The following TP53I3 variants were observed in gnomAD, a reference collection of about 807,000 sequenced individuals.
TP53I3 encodes quinone oxidoreductase PIG3.
Under a neutral mutation model 27.7 loss-of-function variants are expected in TP53I3, and 32 were observed. The ratio of observed to expected loss-of-function variants is 1.16; its 90% CI spans 0.87 to 1.55. The LOEUF (loss-of-function observed/expected upper bound fraction) is 1.55, where lower values mean the gene tolerates loss of function less well. Among genes scored for constraint, TP53I3 ranks in the 40% most tolerant of loss-of-function variants. The probability of loss-of-function intolerance (pLI) is 0.00; values close to 1 mark genes in which losing one functional copy is unlikely to be tolerated. For missense variants in TP53I3, 372 were observed against 412.3 expected (o/e 0.90, Z 0.85); for synonymous variants, 138 against 167.8 (o/e 0.82, Z 1.37).
chr2:24,078,513 T>C (rs1009725678), intron 4 of TP53I3, among the ~76,000 whole-genome samples: 1 of 151,690 alleles, frequency 6.6e-6, no homozygotes, highest in Non-Finnish European at 1.5e-5. Context: ...AGTACATGCT[T>C]TTCTCCTGTC....
In TP53I3 at chr2:24,077,476, C is replaced by G; in HGVS notation, c.*103G>C. ...TTCCTCATATCAGCTTTAAACGGCT[C>G]TGGAGGAAGCACCGGGTTTCTTGGC... On this transcript the variant is annotated 3_prime_UTR_variant, in exon 5 of 5. Transcript: ENST00000238721. The surrounding 1 kb of genome is among the most constrained non-coding windows in gnomAD (Gnocchi z 5.5). The G allele has an allele frequency of 7.4e-7, 1 of 1,360,166 alleles. No individual in the cohort carries two copies. The highest frequency in any genetic ancestry group is 9.8e-7 in the Non-Finnish European group (1 of 1,016,906). The allele number at this position is 1,360,166 out of a possible 1,614,324, so 84.3% of individuals were successfully genotyped here. A position where few individuals can be genotyped will look rare whatever the true frequency, so the allele number is the denominator to read the frequency against.
rs1665171245 is a variant in TP53I3 at position 24,084,437 on chromosome 2, G to A, written c.-111C>T. On this transcript the variant is annotated 5_prime_UTR_variant, in exon 1 of 5. Coordinates refer to ENST00000238721, the MANE Select transcript of TP53I3 (RefSeq NM_004881.5). The surrounding 1 kb of genome is among the most constrained non-coding windows in gnomAD (Gnocchi z 8.4). ...AGGGCAGGGGCCGCTGTATCCTCGC[G>A]GAGCAGCCCAGCCTCAGGCTGGCAC... 1.1e-5 allele frequency: 15 copies of A among 1,342,396 alleles called. No individual in the cohort carries two copies. Among genetic ancestry groups the A allele is most frequent in the Admixed American group, 2.8e-5 (1 of 35,306 alleles). The allele number at this position is 1,342,396 out of a possible 1,614,324, so 83.2% of individuals were successfully genotyped here.
At position 24,084,370 on chromosome 2, in the gene TP53I3, G is replaced by GCAGGGCAGGGCAGGACAGGA. The variant is rs768849734; in HGVS notation, c.-64_-45dup. 73 of 1,530,134 alleles carry GCAGGGCAGGGCAGGACAGGA rather than the reference G, an allele frequency of 4.8e-5. No individual in the cohort carries two copies. Among genetic ancestry groups the GCAGGGCAGGGCAGGACAGGA allele is most frequent in the South Asian group, 1.2e-4 (10 of 84,132 alleles). 94.8% of individuals were successfully genotyped at this position (1,530,134 alleles called of 1,614,324 possible). A position where few individuals can be genotyped will look rare whatever the true frequency, so the allele number is the denominator to read the frequency against. On this transcript the variant is annotated 5_prime_UTR_variant, in exon 1 of 5. Coordinates refer to ENST00000238721, the MANE Select transcript of TP53I3 (RefSeq NM_004881.5). This position sits in a 1 kb window ranked among gnomAD's most constrained non-coding sequence, Gnocchi z 8.4. Reference sequence around the variant, plus strand: ...GCAGGGCAGGGCAGGACAGGACAGGGCAGGGCAGGGCAGGACAGGACAGGG... The same window carrying GCAGGGCAGGGCAGGACAGGA: ...GCAGGGCAGGGCAGGACAGGACAGGGCAGGGCAGGGCAGGACAGGACAGGGCAGGGCAGGACAGGACAGGG...
Position 24,082,986 on chromosome 2 carries a change from G to A in TP53I3, c.305C>T (p.Pro102Leu). The A allele has an allele frequency of 6.2e-7, 1 of 1,614,186 alleles. No homozygotes were observed. The highest frequency in any genetic ancestry group is 8.5e-7 in the Non-Finnish European group (1 of 1,180,016). The change falls in exon 2 of 5, where the codon CCC becomes CTC. Residue 102 changes from proline to leucine, a missense_variant. By Grantham distance (98) the Pro-to-Leu change is moderately conservative. Coordinates refer to ENST00000238721, the MANE Select transcript of TP53I3 (RefSeq NM_004881.5). The stretch of plus-strand genomic sequence containing the variant: ...TGGGATAGGCATGAGGAGCCCTTCG[G>A]GGACAGTGACGTACTGAGCCTGGCC... Reference protein sequence around the residue: ...GGGQAQYVTVPEGLLMPIPEG... With the variant: ...GGGQAQYVTVLEGLLMPIPEG...
Position 24,083,109 on chromosome 2 carries a change from A to C in TP53I3, c.182T>G (p.Leu61Trp). 6.2e-7 allele frequency: 1 copy of C among 1,613,882 alleles called. No homozygotes were observed. Among genetic ancestry groups the C allele is most frequent in the Non-Finnish European group, 8.5e-7 (1 of 1,179,826 alleles). ...YDPPPGASNI[L>W]GLEASGHVAE... Reference sequence around the variant, plus strand: ...CACATGTCCAGATGCCTCAAGTCCCAAAATGTTGCTGGCTCCTGGAGGTGG... The same window carrying C: ...CACATGTCCAGATGCCTCAAGTCCCCAAATGTTGCTGGCTCCTGGAGGTGG... The change falls in exon 2 of 5, where the codon TTG (leucine) becomes TGG (tryptophan). Residue 61 changes from leucine to tryptophan, a missense_variant. By Grantham distance (61) the Leu-to-Trp change is moderately conservative (BLOSUM62 -2). Coordinates refer to ENST00000238721, the MANE Select transcript of TP53I3 (RefSeq NM_004881.5).
Position 24,084,351 on chromosome 2 carries a change from C to G in TP53I3, c.-25G>C, listed in dbSNP as rs35924313. ...TATTGTCTGAGGACACAGGGCAGGG[C>G]AGGGCAGGACAGGACAGGGCAGGGC... On this transcript the variant is annotated 5_prime_UTR_variant, in exon 1 of 5. Transcript: ENST00000238721. This position sits in a 1 kb window ranked among gnomAD's most constrained non-coding sequence, Gnocchi z 8.4. 2.2e-3 allele frequency: 3,075 copies of G among 1,395,960 alleles called. 52 individuals carry two copies. The African/African-American group carries it at 0.039, about 18-fold the overall frequency. The allele number at this position is 1,395,960 out of a possible 1,614,324, so 86.5% of individuals were successfully genotyped here.
chr2:24,080,679 G>A lies in TP53I3; in HGVS notation c.619+140C>T, dbSNP rs1664956932. The A allele has an allele frequency of 3.4e-6, 3 of 879,398 alleles. No homozygotes were observed. The highest frequency in any genetic ancestry group is 5.5e-6 in the Non-Finnish European group (3 of 544,584). 54.5% of individuals were successfully genotyped at this position (879,398 alleles called of 1,614,324 possible). ...CTGTCTCCAGTGGTCAAATACCATA[G>A]TACTAGAATTTGGCCAGGGCAGCTG... is the stretch of plus-strand genomic sequence containing the variant. On this transcript the variant is annotated intron_variant, in intron 3 of 4. Coordinates refer to ENST00000238721, the MANE Select transcript of TP53I3 (RefSeq NM_004881.5). This position sits in a 1 kb window ranked among gnomAD's most constrained non-coding sequence, Gnocchi z 4.7.
Position 24,084,638 on chromosome 2 carries a change from A to G in TP53I3, c.-312T>C, listed in dbSNP as rs1014950385. ...ACAGGGCTGGATGCGGCAGAGCAGG[A>G]CAACGCCGAAGAGGATCAGGCAAAT... On this transcript the variant is annotated 5_prime_UTR_variant, in exon 1 of 5. Transcript: ENST00000238721. This position sits in a 1 kb window ranked among gnomAD's most constrained non-coding sequence, Gnocchi z 8.4. 1.4e-5 allele frequency: 4 copies of G among 294,784 alleles called. No homozygotes were observed. Among genetic ancestry groups the G allele is most frequent in the Non-Finnish European group, 1.9e-5 (3 of 159,330 alleles). The allele number at this position is 294,784 out of a possible 1,614,324, so 18.3% of individuals were successfully genotyped here. A position where few individuals can be genotyped will look rare whatever the true frequency, so the allele number is the denominator to read the frequency against.
rs10194831 is a variant in TP53I3, at chr2:24,077,870, C to G, written c.817-109G>C. ...CTGAAGCCACGTATCTGAAAAAGCA[C>G]ACAGGGACACTTAACCCCTCACTTC... is the stretch of plus-strand genomic sequence containing the variant. On this transcript the variant is annotated intron_variant, in intron 4 of 4. Transcript: ENST00000238721. The surrounding 1 kb of genome is among the most constrained non-coding windows in gnomAD (Gnocchi z 5.5). 167,236 of 1,228,180 alleles carry G rather than the reference C, an allele frequency of 0.14. 12,175 individuals carry two copies. The highest frequency in any genetic ancestry group is 0.17 in the South Asian group (11,759 of 68,736). The allele number at this position is 1,228,180 out of a possible 1,614,324, so 76.1% of individuals were successfully genotyped here. A position where few individuals can be genotyped will look rare whatever the true frequency, so the allele number is the denominator to read the frequency against.
intron 2 of TP53I3, among the ~76,000 whole-genome samples, 192 bp downstream of exon 2, chr2:24,082,693 T>A (rs924895205): frequency 2.6e-5 from 4 of 152,194 alleles, no homozygotes; most frequent in African/African-American, 9.7e-5. Flanking sequence ...TCTAGTGTTA[T>A]CCAGACCCTC....
Position 24,084,380 on chromosome 2 carries a change from GCAGGACAGGACAGGGCAGGGCAGGA to G in TP53I3, c.-79_-55del, listed in dbSNP as rs1277154544. On this transcript the variant is annotated 5_prime_UTR_variant, in exon 1 of 5. Transcript: ENST00000238721. The surrounding 1 kb of genome is among the most constrained non-coding windows in gnomAD (Gnocchi z 8.4). ...GCAGGACAGGACAGGGCAGGGCAGG[GCAGGACAGGACAGGGCAGGGCAGGA>G]CAGGACAGGGCAGGGGCCGCTGTAT... 2.8e-5 allele frequency: 32 copies of G among 1,158,958 alleles called. No homozygotes were observed. The Middle Eastern group carries it at 1.5e-3, about 54-fold the overall frequency. The allele number at this position is 1,158,958 out of a possible 1,614,324, so 71.8% of individuals were successfully genotyped here. A position where few individuals can be genotyped will look rare whatever the true frequency, so the allele number is the denominator to read the frequency against.
At position 24,080,981 on chromosome 2, in the gene TP53I3, C is replaced by CATGGATTAGCAGG. The variant is rs745484769; in HGVS notation, c.456_457insCCTGCTAATCCAT (p.Val153ProfsTer51). 1 of 1,614,092 alleles carries CATGGATTAGCAGG rather than the reference C, an allele frequency of 6.2e-7. No homozygotes were observed. Among genetic ancestry groups the CATGGATTAGCAGG allele is most frequent in the Non-Finnish European group, 8.5e-7 (1 of 1,180,054 alleles). On this transcript the variant is annotated frameshift_variant, in exon 3 of 5. Coordinates refer to ENST00000238721, the MANE Select transcript of TP53I3 (RefSeq NM_004881.5). LOFTEE classifies it high-confidence loss of function. The surrounding 1 kb of genome is among the most constrained non-coding windows in gnomAD (Gnocchi z 4.7). Reference sequence around the variant, plus strand: ...GTGAGTTGGATAGCAGCTGTGCCCACACCACTCAGTCCTGCATGGATTAGC... The same window carrying CATGGATTAGCAGG: ...GTGAGTTGGATAGCAGCTGTGCCCACATGGATTAGCAGGACCACTCAGTCCTGCATGGATTAGC...
Position 24,080,001 on chromosome 2 carries a change from G to A in TP53I3, c.620-361C>T, listed in dbSNP as rs1664929528. 6.6e-6 allele frequency among the ~76,000 whole-genome samples: 1 copy of A among 152,088 alleles called. No homozygotes were observed. Among genetic ancestry groups the A allele is most frequent in the African/African-American group, 2.4e-5 (1 of 41,410 alleles). On this transcript the variant is annotated intron_variant, in intron 3 of 4. Transcript: ENST00000238721. This position sits in a 1 kb window ranked among gnomAD's most constrained non-coding sequence, Gnocchi z 4.7. ...TTCACATAGAAGTTAGGAAGTGTCC[G>A]CACTAGGTTATTGGAATCATAGGCT...
intron 2 of TP53I3, among the ~76,000 whole-genome samples, chr2:24,081,590 A>G (rs2150985019): frequency 6.6e-6 from 1 of 152,254 alleles, no homozygotes; most frequent in East Asian, 1.9e-4. Context: ...AGACAGCTTG[A>G]TATTCAAGGA....
At chr2:24,083,668 A>C (rs1413996060) in intron 1 of TP53I3, among the ~76,000 whole-genome samples, 3 of 152,166 alleles carry the variant, frequency 2.0e-5, no homozygotes, top group Admixed American at 2.0e-4. Context: ...CAACCAATGC[A>C]GCTGGCCCAG....
At position 24,080,426 on chromosome 2, in the gene TP53I3, G is replaced by T. The variant is rs1374061496; in HGVS notation, c.619+393C>A. Among the ~76,000 whole-genome samples, 2 of 152,018 alleles carry T rather than the reference G, an allele frequency of 1.3e-5. No individual in the cohort carries two copies. The highest frequency in any genetic ancestry group is 2.9e-5 in the Non-Finnish European group (2 of 67,998). On this transcript the variant is annotated intron_variant, in intron 3 of 4. Coordinates refer to ENST00000238721, the MANE Select transcript of TP53I3 (RefSeq NM_004881.5). The surrounding 1 kb of genome is among the most constrained non-coding windows in gnomAD (Gnocchi z 4.7). ...ACACGTCTGGCTTTGGAATACAGAG[G>T]TGTGCACATCTACTTACTCATTTAG...
chr2:24,083,022 A>G lies in TP53I3; in HGVS notation c.269T>C (p.Leu90Pro). ...WKIGDTAMAL[L>P]PGGGQAQYVT... ...GTACTGAGCCTGGCCCCCACCGGGG[A>G]GCAGAGCCATGGCTGTGTCCCCGAT... Residue 90 changes from leucine (L) to proline (P), a missense_variant, in exon 2 of 5, where the codon CTC (leucine) becomes CCC (proline). Leu to Pro is a moderately conservative substitution (Grantham distance 98). Coordinates refer to ENST00000238721, the MANE Select transcript of TP53I3 (RefSeq NM_004881.5). 1.2e-6 allele frequency: 2 copies of G among 1,614,064 alleles called. No individual in the cohort carries two copies. The highest frequency in any genetic ancestry group is 1.7e-6 in the Non-Finnish European group (2 of 1,180,000).
chr2:24,082,877 C>A lies in TP53I3; in HGVS notation c.406+8G>T. On this transcript the variant is annotated splice_region_variant and intron_variant, in intron 2 of 4. Coordinates refer to ENST00000238721, the MANE Select transcript of TP53I3 (RefSeq NM_004881.5). ...CATTGTGTGGAGTGAGCATGGAGGC[C>A]TCCTCACCCACAAGATGTAACAGCT... 1 of 1,597,920 alleles carries A rather than the reference C, an allele frequency of 6.3e-7. No individual in the cohort carries two copies. Among genetic ancestry groups the A allele is most frequent in the Non-Finnish European group, 8.5e-7 (1 of 1,170,516 alleles).
chr2:24,084,246 C>G lies in TP53I3; in HGVS notation c.81G>C (p.Glu27Asp), dbSNP rs1213074091. The G allele has an allele frequency of 6.2e-7, 1 of 1,614,132 alleles. No homozygotes were observed. The highest frequency in any genetic ancestry group is 8.5e-7 in the Non-Finnish European group (1 of 1,180,010). The change falls in exon 1 of 5, where the codon GAG (glutamate) becomes GAC (aspartate). Residue 27 changes from glutamate to aspartate, a missense_variant. Transcript: ENST00000238721. The surrounding 1 kb of genome is among the most constrained non-coding windows in gnomAD (Gnocchi z 8.4). ...VKEVAKPSPG[E>D]GEVLLKVAAS... Reference sequence around the variant, plus strand: ...CCGCCACCTTCAGGAGGACTTCACCCTCCCCCGGGCTCGGCTTGGCCACCT... The same window carrying G: ...CCGCCACCTTCAGGAGGACTTCACCGTCCCCCGGGCTCGGCTTGGCCACCT...
Sources: allele counts gnomAD v4.1 joint callset (sites outside exome capture counted in the v4.1 genomes callset), GRCh38; gene constraint gnomAD v4.1.1; non-coding constraint Gnocchi (gnomAD v3.1); transcripts MANE v1.5; gene names NCBI Gene and HGNC (gene_info 2026-07-23, HGNC 2026-07-21).